The following SGCZ variants were observed in gnomAD, a reference collection of about 807,000 sequenced individuals.
SGCZ encodes zeta-sarcoglycan.
A neutral mutation model predicts 41.3 loss-of-function variants in SGCZ; 40 were observed. The ratio of observed to expected loss-of-function variants is 0.97; its 90% CI spans 0.75 to 1.26. The LOEUF is 1.26. Ranked by LOEUF, SGCZ falls within the 50% of genes most tolerant of loss-of-function variation. The pLI is 0.00. For missense variants in SGCZ, 552 were observed against 369.8 expected (o/e 1.49, Z -4.04); for synonymous variants, 206 against 137.5 (o/e 1.50, Z -3.49).
intron 5 of SGCZ, among the ~76,000 whole-genome samples, chr8:14,130,558 C>G (rs934774259): frequency 6.6e-6 from 1 of 152,102 alleles, no homozygotes; most frequent in African/African-American, 2.4e-5. Context: ...GGCTAAAGTA[C>G]AGCAAGTGAG....
At chr8:14,325,480 C>A (rs1802059740) in intron 2 of SGCZ, among the ~76,000 whole-genome samples, 1 of 146,914 alleles carries the variant, frequency 6.8e-6, no homozygotes, top group Non-Finnish European at 1.5e-5. Context: ...TATATAAAAT[C>A]ATATATAATA....
chr8:15,092,114 C>G lies in SGCZ; in HGVS notation c.39+145471G>C, dbSNP rs550484795. Among the ~76,000 whole-genome samples the G allele has an allele frequency of 5.1e-3, 771 of 152,282 alleles. 5 individuals carry two copies. Among genetic ancestry groups the G allele is most frequent in the African/African-American group, 0.018 (731 of 41,556 alleles). On this transcript the variant is annotated intron_variant, in intron 1 of 7. Transcript: ENST00000382080. ...CACTAAAAACAGCTATATAAAAAAA[C>G]AGCATAATACGGTCAGTGAAAACGC...
intron 1 of SGCZ, among the ~76,000 whole-genome samples, chr8:14,802,168 G>C (rs1801340243): frequency 6.6e-6 from 1 of 152,120 alleles, no homozygotes; most frequent in Non-Finnish European, 1.5e-5. Flanking sequence ...ACTCTAGAAA[G>C]GCAAGGGGAA....
intron 1 of SGCZ, among the ~76,000 whole-genome samples, chr8:15,133,002 G>C (rs1346692467): frequency 6.6e-6 from 1 of 152,080 alleles, no homozygotes; most frequent in Non-Finnish European, 1.5e-5. Flanking sequence ...AATTAGCCAG[G>C]CATGGTGGCG....
At chr8:14,895,821 C>A (rs953851301) in intron 1 of SGCZ, among the ~76,000 whole-genome samples, 8 of 152,192 alleles carry the variant, frequency 5.3e-5, no homozygotes, top group African/African-American at 1.9e-4. Flanking sequence ...TTTAAAATAT[C>A]TAATGCTGAG....
At position 14,826,285 on chromosome 8, in the gene SGCZ, A is replaced by G. The variant is rs527580493; in HGVS notation, c.40-271359T>C. 5.9e-5 allele frequency among the ~76,000 whole-genome samples: 9 copies of G among 152,280 alleles called. No homozygotes were observed. The East Asian group carries it at 1.5e-3, about 26-fold the overall frequency. On this transcript the variant is annotated intron_variant, in intron 1 of 7. Transcript: ENST00000382080. ...AACTCTTCATTTTTTATGGCTACAT[A>G]GTATTCCATGGTGTATATGTGCCAC...
chr8:14,844,136 A>G (rs1365986531), intron 1 of SGCZ, among the ~76,000 whole-genome samples: 1 of 152,048 alleles, frequency 6.6e-6, no homozygotes, highest in Non-Finnish European at 1.5e-5. Context: ...AAATTCACAA[A>G]CACTCAAGTT....
At chr8:14,464,030 G>C (rs1048703307) in intron 2 of SGCZ, among the ~76,000 whole-genome samples, 1 of 151,532 alleles carries the variant, frequency 6.6e-6, no homozygotes, top group Non-Finnish European at 1.5e-5. Context: ...CTAGTATTTT[G>C]TTGTGGAGCT....
At chr8:14,597,094 T>G (rs530081379) in intron 1 of SGCZ, among the ~76,000 whole-genome samples, 1 of 152,302 alleles carries the variant, frequency 6.6e-6, no homozygotes, top group Admixed American at 6.5e-5. Flanking sequence ...AACTATGAAC[T>G]GCCATTCTTA....
At chr8:15,094,130 G>GT (rs1301564233) in intron 1 of SGCZ, among the ~76,000 whole-genome samples, 68 of 151,274 alleles carry the variant, frequency 4.5e-4, no homozygotes, top group African/African-American at 1.2e-3. Flanking sequence ...TTTATTTATG[G>GT]TTTTTTTTAA....
At chr8:14,694,542 C>T (rs1350112134) in intron 1 of SGCZ, among the ~76,000 whole-genome samples, 3 of 152,106 alleles carry the variant, frequency 2.0e-5, no homozygotes, top group African/African-American at 4.8e-5. Context: ...GATCCTAGGA[C>T]TCAATAAACT....
At chr8:14,364,090 T>C (rs111546051) in intron 2 of SGCZ, among the ~76,000 whole-genome samples, 1 of 152,174 alleles carries the variant, frequency 6.6e-6, no homozygotes, top group African/African-American at 2.4e-5. Flanking sequence ...ATTTACTACA[T>C]GGCTGTTCAA....
At chr8:14,550,863 G>C (rs1483706631) in intron 2 of SGCZ, among the ~76,000 whole-genome samples, 1 of 151,854 alleles carries the variant, frequency 6.6e-6, no homozygotes, top group Non-Finnish European at 1.5e-5. Context: ...GTAATGTACA[G>C]ATAGTTGTTC....
intron 2 of SGCZ, among the ~76,000 whole-genome samples, chr8:14,394,470 C>G (rs1220115779): frequency 6.6e-6 from 1 of 152,108 alleles, no homozygotes; most frequent in Non-Finnish European, 1.5e-5. Context: ...CTTCTACAGC[C>G]TCAAAATGCA....
chr8:14,402,157 T>TATA (rs1799095353), intron 2 of SGCZ, among the ~76,000 whole-genome samples: 2 of 152,184 alleles, frequency 1.3e-5, no homozygotes, highest in African/African-American at 4.8e-5. Context: ...CTTGTAAATT[T>TATA]GACTGAGTTC....
chr8:14,601,947 C>T (rs1435824300), intron 1 of SGCZ, among the ~76,000 whole-genome samples: 2 of 151,940 alleles, frequency 1.3e-5, no homozygotes, highest in South Asian at 2.1e-4. Context: ...GGTGAAACCC[C>T]GTCTCTACTG....
At chr8:14,638,193 T>C (rs2117418452) in intron 1 of SGCZ, among the ~76,000 whole-genome samples, 1 of 151,956 alleles carries the variant, frequency 6.6e-6, no homozygotes, top group Middle Eastern at 3.4e-3. Context: ...TTACATTCTG[T>C]TCCCAACTTT....
At chr8:14,851,233 G>C (rs968544911) in intron 1 of SGCZ, among the ~76,000 whole-genome samples, 1 of 151,696 alleles carries the variant, frequency 6.6e-6, no homozygotes, top group Non-Finnish European at 1.5e-5. Flanking sequence ...GCCAGGCATC[G>C]TGGCAGGCGC....
At position 14,252,166 on chromosome 8, in the gene SGCZ, T is replaced by C. The variant is rs765769019; in HGVS notation, c.337-14487A>G. Among the ~76,000 whole-genome samples, 16 of 152,170 alleles carry C rather than the reference T, an allele frequency of 1.1e-4. 1 individual carries two copies. The highest frequency in any genetic ancestry group is 2.1e-4 in the Non-Finnish European group (14 of 68,022). On this transcript the variant is annotated intron_variant, in intron 3 of 7. Coordinates refer to ENST00000382080, the MANE Select transcript of SGCZ (RefSeq NM_139167.4). The stretch of plus-strand genomic sequence containing the variant: ...CCTTTCATGTCTCTTTAATGCTCTC[T>C]TATCTTTCCCATCTCCCTGTCTCTC...
Sources: allele counts gnomAD v4.1 joint callset (sites outside exome capture counted in the v4.1 genomes callset), GRCh38; gene constraint gnomAD v4.1.1; transcripts MANE v1.5; gene names NCBI Gene and HGNC (gene_info 2026-07-23, HGNC 2026-07-21).